LDLRAD4: variants seen among roughly 807,000 people sequenced by gnomAD.
The protein encoded by LDLRAD4 is low-density lipoprotein receptor class A domain-containing protein 4.
In LDLRAD4, 5 loss-of-function variants were observed where a neutral mutation model predicts 17.0. That is an observed-to-expected ratio of 0.29 (90% confidence interval 0.15 to 0.62). The LOEUF is 0.62. Ranked by LOEUF, LDLRAD4 falls within the 20% of genes least tolerant of loss-of-function variation. LDLRAD4 has a pLI of 0.84. For synonymous variants in LDLRAD4, 168 were observed against 171.8 expected, an observed-to-expected ratio of 0.98 and a Z score of 0.17; for missense variants, 340 against 424.7, an observed-to-expected ratio of 0.80 and a Z score of 1.75.
chr18:13,226,391 G>A lies in LDLRAD4; in HGVS notation c.-467+7403G>A, dbSNP rs2145425140. 2.6e-5 allele frequency among the ~76,000 whole-genome samples: 4 copies of A among 151,736 alleles called. No homozygotes were observed. The South Asian group carries it at 8.3e-4, about 32-fold the overall frequency. On this transcript the variant is annotated intron_variant, in intron 1 of 5. Transcript: ENST00000399848. ...ATTGGGGGCTATAAGACTTTTAAGG[G>A]TCCTCCAAAAATATTGCCAGATGGG...
chr18:13,589,593 GC>G (rs2094982852), intron 3 of LDLRAD4, among the ~76,000 whole-genome samples: 1 of 152,194 alleles, frequency 6.6e-6, no homozygotes, highest in Non-Finnish European at 1.5e-5. Flanking sequence ...GAGACCTGCA[GC>G]CCTGTGGCCT....
chr18:13,573,495 C>T (rs1341159985), intron 3 of LDLRAD4, among the ~76,000 whole-genome samples: 4 of 152,248 alleles, frequency 2.6e-5, no homozygotes, highest in Admixed American at 2.6e-4. Flanking sequence ...CCACCTCGGC[C>T]TCCCAAAGTG....
At chr18:13,508,624 G>C (rs1373546303) in intron 3 of LDLRAD4, among the ~76,000 whole-genome samples, 2 of 152,084 alleles carry the variant, frequency 1.3e-5, no homozygotes, top group Non-Finnish European at 2.9e-5. Context: ...AACAAAACTG[G>C]ATGACAGCAG....
At chr18:13,641,863 T>C in intron 4 of LDLRAD4, 1 of 985,450 alleles carries the variant, frequency 1.0e-6, no homozygotes. Flanking sequence ...GTCACTACGT[T>C]TTCAGGAACC....
chr18:13,339,115 G>A (rs1407053101), intron 1 of LDLRAD4, among the ~76,000 whole-genome samples: 1 of 151,994 alleles, frequency 6.6e-6, no homozygotes, highest in Non-Finnish European at 1.5e-5. Flanking sequence ...GCAGCTTGAG[G>A]CTTTCACTGA....
chr18:13,642,076 C>A (rs768282581), intron 4 of LDLRAD4: 3 of 985,428 alleles, frequency 3.0e-6, no homozygotes, highest in East Asian at 1.1e-4. Flanking sequence ...CCTTCCCTCC[C>A]GTCACAGGCG....
intron 1 of LDLRAD4, among the ~76,000 whole-genome samples, chr18:13,220,322 C>G (rs2145302176): frequency 6.6e-6 from 1 of 152,340 alleles, no homozygotes; most frequent in East Asian, 1.9e-4. Flanking sequence ...TCTTAACATT[C>G]TGCTGTTACC....
chr18:13,488,249 GT>G (rs1238041832), intron 3 of LDLRAD4: 1 of 152,342 alleles, frequency 6.6e-6, no homozygotes, highest in African/African-American at 2.4e-5. Flanking sequence ...CTGGTCATGA[GT>G]GTTACAGGGC....
intron 1 of LDLRAD4, among the ~76,000 whole-genome samples, chr18:13,325,757 C>CTT (rs35534448): frequency 2.1e-4 from 30 of 145,810 alleles, no homozygotes; most frequent in Non-Finnish European, 2.3e-4. Context: ...AACTTTTTTC[C>CTT]TTTTTTTTTT....
chr18:13,393,065 T>C (rs1354275125), intron 2 of LDLRAD4, among the ~76,000 whole-genome samples: 1 of 152,152 alleles, frequency 6.6e-6, no homozygotes, highest in Non-Finnish European at 1.5e-5. Flanking sequence ...ACTGGGCTGC[T>C]GTGTTCAGGA....
chr18:13,465,104 C>T (rs1363366404), intron 3 of LDLRAD4: 1 of 152,200 alleles, frequency 6.6e-6, no homozygotes. Flanking sequence ...ACGGCTCCAT[C>T]GCTGTTAGTA....
intron 3 of LDLRAD4, among the ~76,000 whole-genome samples, chr18:13,454,077 A>G (rs2091990688): frequency 6.6e-6 from 1 of 152,228 alleles, no homozygotes; most frequent in Non-Finnish European, 1.5e-5. Context: ...GGTGTTCTCC[A>G]AAAGGGGCAT....
chr18:13,525,395 A>T (rs925150813), intron 3 of LDLRAD4, among the ~76,000 whole-genome samples: 1 of 152,146 alleles, frequency 6.6e-6, no homozygotes, highest in Non-Finnish European at 1.5e-5. Context: ...GCTAAAGTCA[A>T]CCTCTGCCTT....
At chr18:13,565,485 C>A (rs1342594536) in intron 3 of LDLRAD4, among the ~76,000 whole-genome samples, 1 of 152,226 alleles carries the variant, frequency 6.6e-6, no homozygotes, top group African/African-American at 2.4e-5. Context: ...GCCAGGGTGG[C>A]GGGGATAACA....
chr18:13,421,088 A>G (rs562061170), intron 2 of LDLRAD4: 1 of 152,402 alleles, frequency 6.6e-6, no homozygotes, highest in African/African-American at 2.4e-5. Flanking sequence ...CGCGCTGAGC[A>G]CTGCACACCC....
chr18:13,408,406 G>C (rs1211749650), intron 2 of LDLRAD4, among the ~76,000 whole-genome samples: 4 of 150,822 alleles, frequency 2.7e-5, no homozygotes, highest in Non-Finnish European at 5.9e-5. Flanking sequence ...GAGAGAGATA[G>C]AGTAGTAGGG....
chr18:13,271,011 G>A (rs1275134622), intron 1 of LDLRAD4, among the ~76,000 whole-genome samples: 1 of 152,108 alleles, frequency 6.6e-6, no homozygotes, highest in African/African-American at 2.4e-5. Context: ...TACTACTATG[G>A]GGGATTTACA....
At chr18:13,363,725 A>C (rs1040538778) in intron 1 of LDLRAD4, among the ~76,000 whole-genome samples, 1 of 152,240 alleles carries the variant, frequency 6.6e-6, no homozygotes, top group African/African-American at 2.4e-5. Context: ...AATGTAATAA[A>C]AATAAAAATA....
chr18:13,425,550 G>A (rs1369476251), intron 2 of LDLRAD4, among the ~76,000 whole-genome samples: 5 of 152,266 alleles, frequency 3.3e-5, no homozygotes, highest in Admixed American at 2.6e-4. Context: ...ATGACACGTC[G>A]GGGCTCCAGA....
Sources: gnomAD v4.1 joint callset for allele counts (sites outside exome capture counted in the v4.1 genomes callset) on GRCh38, gnomAD v4.1.1 for gene constraint, MANE v1.5 for transcripts, NCBI Gene and HGNC (gene_info 2026-07-23, HGNC 2026-07-21) for gene names.